Variants in NCALD observed in about 807,000 individuals in gnomAD.
The protein encoded by NCALD is neurocalcin delta, also known as neurocalcin-delta.
NCALD carries 10 observed loss-of-function variants against 18.6 expected under a neutral mutation model. The ratio of observed to expected loss-of-function variants is 0.54; its 90% CI spans 0.33 to 0.91. The LOEUF (loss-of-function observed/expected upper bound fraction) is 0.91, where lower values mean the gene tolerates loss of function less well. Among genes scored for constraint, NCALD ranks in the 40% least tolerant of loss-of-function variants. The pLI is 0.03. For missense variants in NCALD, 184 were observed against 247.6 expected (o/e 0.74, Z 1.72); for synonymous variants, 88 against 87.4 (o/e 1.01, Z -0.04).
intron 1 of NCALD, among the ~76,000 whole-genome samples, chr8:102,044,433 A>C (rs1751778407): frequency 6.7e-6 from 1 of 149,672 alleles, no homozygotes; most frequent in Non-Finnish European, 1.5e-5. Context: ...TTCATTCCAC[A>C]AATGGAGTTA....
rs548474107 is a variant in NCALD at position 101,949,919 on chromosome 8, G to C, written c.-156-34061C>G. Among the ~76,000 whole-genome samples, 124 of 152,308 alleles carry C rather than the reference G, an allele frequency of 8.1e-4. 3 individuals carry two copies. The South Asian group carries it at 0.025, about 31-fold the overall frequency. On this transcript the variant is annotated intron_variant, in intron 2 of 6. Transcript: ENST00000311028. ...GTGTTCCAACAATCATCCAGACTGA[G>C]AGGTGAGTCACCATCCATCAGGCAC...
intron 4 of NCALD, among the ~76,000 whole-genome samples, chr8:101,805,196 G>C (rs1351916039): frequency 6.6e-6 from 1 of 152,160 alleles, no homozygotes; most frequent in Non-Finnish European, 1.5e-5. Flanking sequence ...GAACACTGAG[G>C]ATCTGGAGCA....
At chr8:101,767,761 C>T (rs1043517420) in intron 1 of NCALD, among the ~76,000 whole-genome samples, 5 of 152,332 alleles carry the variant, frequency 3.3e-5, no homozygotes, top group Middle Eastern at 3.4e-3. Flanking sequence ...TTCCACTTTC[C>T]CTGCACAATG....
At chr8:101,844,895 A>T (rs552174522) in intron 4 of NCALD, among the ~76,000 whole-genome samples, 3 of 152,340 alleles carry the variant, frequency 2.0e-5, no homozygotes, top group African/African-American at 7.2e-5. Flanking sequence ...ACTTCCACAC[A>T]TACTGTCCCA....
At chr8:101,695,974 T>C (rs1220235714) in intron 2 of NCALD, among the ~76,000 whole-genome samples, 1 of 152,206 alleles carries the variant, frequency 6.6e-6, no homozygotes. Flanking sequence ...TTTTTTTAGT[T>C]TCCTCTTTTC....
chr8:102,107,638 C>T (rs1382389370), intron 1 of NCALD, among the ~76,000 whole-genome samples: 1 of 152,124 alleles, frequency 6.6e-6, no homozygotes, highest in Non-Finnish European at 1.5e-5. Context: ...TAGAGACAGT[C>T]CCTTGAGTTA....
At chr8:102,058,928 G>A (rs1823748306) in intron 1 of NCALD, among the ~76,000 whole-genome samples, 1 of 152,160 alleles carries the variant, frequency 6.6e-6, no homozygotes, top group Non-Finnish European at 1.5e-5. Context: ...TGAAGATGGA[G>A]GAGGGGGCTA....
At chr8:101,800,614 C>A (rs771305726) in intron 4 of NCALD, among the ~76,000 whole-genome samples, 2 of 151,652 alleles carry the variant, frequency 1.3e-5, no homozygotes, top group Non-Finnish European at 2.9e-5. Flanking sequence ...TATTCTAACT[C>A]TTTGCTGTAT....
intron 3 of NCALD, chr8:101,692,093 T>C (rs143837435): frequency 1.0e-6 from 1 of 972,992 alleles, no homozygotes; most frequent in East Asian, 1.1e-4. Context: ...CTAACAACTG[T>C]TGCTGTTTAT....
intron 2 of NCALD, among the ~76,000 whole-genome samples, chr8:101,699,183 G>A (rs1490720119): frequency 6.6e-6 from 1 of 151,996 alleles, no homozygotes; most frequent in Admixed American, 6.6e-5. Context: ...ATGATCATTA[G>A]AGAAATGCGA....
chr8:101,735,829 A>G (rs1257577382), intron 1 of NCALD, among the ~76,000 whole-genome samples: 1 of 152,198 alleles, frequency 6.6e-6, no homozygotes, highest in Non-Finnish European at 1.5e-5. Flanking sequence ...AGCGGAGGCT[A>G]ATATTATGTC....
intron 1 of NCALD, among the ~76,000 whole-genome samples, chr8:101,731,542 T>C (rs1340426117): frequency 6.6e-6 from 1 of 152,186 alleles, no homozygotes; most frequent in Non-Finnish European, 1.5e-5. Context: ...ATGGTCTGCC[T>C]GAGTTATAGT....
At chr8:101,713,114 T>A (rs1157543642) in intron 2 of NCALD, among the ~76,000 whole-genome samples, 3 of 152,110 alleles carry the variant, frequency 2.0e-5, no homozygotes, top group Admixed American at 6.5e-5. Context: ...GAACTCAGGA[T>A]TAAGAAACTC....
intron 1 of NCALD, among the ~76,000 whole-genome samples, chr8:101,781,188 A>G (rs1811998752): frequency 6.6e-6 from 1 of 152,112 alleles, no homozygotes; most frequent in Non-Finnish European, 1.5e-5. Flanking sequence ...ACCAAAATAT[A>G]TATATATACC....
intron 1 of NCALD, among the ~76,000 whole-genome samples, chr8:101,739,452 G>A (rs1449669085): frequency 1.3e-5 from 2 of 152,136 alleles, no homozygotes; most frequent in Non-Finnish European, 2.9e-5. Context: ...TGTCATCTCT[G>A]GGTGTGCCTG....
At chr8:101,700,635 T>G (rs1179834556) in intron 2 of NCALD, among the ~76,000 whole-genome samples, 2 of 152,152 alleles carry the variant, frequency 1.3e-5, no homozygotes, top group African/African-American at 4.8e-5. Context: ...AAATCAACTG[T>G]GTAATAATCT....
chr8:102,002,647 T>C (rs927358618), intron 2 of NCALD, among the ~76,000 whole-genome samples: 1 of 151,960 alleles, frequency 6.6e-6, no homozygotes, highest in African/African-American at 2.4e-5. Flanking sequence ...CCTCAGCAAA[T>C]GTAAAAGATC....
intron 4 of NCALD, among the ~76,000 whole-genome samples, chr8:101,861,979 A>C (rs1815562153): frequency 2.0e-5 from 3 of 152,332 alleles, no homozygotes; most frequent in East Asian, 3.9e-4. Context: ...CATTTATATT[A>C]CAATTATATA....
At chr8:101,885,209 A>G (rs1421769603) in intron 4 of NCALD, among the ~76,000 whole-genome samples, 1 of 152,244 alleles carries the variant, frequency 6.6e-6, no homozygotes, top group East Asian at 1.9e-4. Context: ...AGCGATATCC[A>G]AACAACAGGA....
Sources: gnomAD v4.1 joint callset for allele counts (sites outside exome capture counted in the v4.1 genomes callset) on GRCh38, gnomAD v4.1.1 for gene constraint, MANE v1.5 for transcripts, NCBI Gene and HGNC (gene_info 2026-07-23, HGNC 2026-07-21) for gene names.